The following CNTNAP4 variants were observed in gnomAD, a reference collection of about 807,000 sequenced individuals.
CNTNAP4 encodes contactin associated protein family member 4, also known as contactin-associated protein-like 4.
In CNTNAP4, 98 loss-of-function variants were observed where a neutral mutation model predicts 148.4. That is an observed-to-expected ratio of 0.66 (90% confidence interval 0.56 to 0.78). The LOEUF (loss-of-function observed/expected upper bound fraction) is 0.78. Ranked by LOEUF, CNTNAP4 falls within the 30% of genes least tolerant of loss-of-function variation. The pLI, the probability that CNTNAP4 is intolerant of heterozygous loss-of-function variation, is 0.00. For missense variants in CNTNAP4, 1,935 were observed against 1,565.6 expected (o/e 1.24, Z -3.98); for synonymous variants, 730 against 565.1 (o/e 1.29, Z -4.14).
intron 2 of CNTNAP4, among the ~76,000 whole-genome samples, chr16:76,341,022 A>C (rs1387880314): frequency 1.3e-5 from 2 of 152,134 alleles, no homozygotes; most frequent in East Asian, 3.9e-4. Flanking sequence ...TGCTCCAACT[A>C]TTTCGGACAA....
chr16:76,361,045 G>T (rs1410229416), intron 3 of CNTNAP4, among the ~76,000 whole-genome samples: 1 of 151,320 alleles, frequency 6.6e-6, no homozygotes, highest in African/African-American at 2.4e-5. Flanking sequence ...GGATGGCCTC[G>T]ATTTGCTGAC....
intron 3 of CNTNAP4, among the ~76,000 whole-genome samples, chr16:76,392,095 G>C (rs1319109965): frequency 6.6e-6 from 1 of 152,182 alleles, no homozygotes; most frequent in Admixed American, 6.5e-5. Context: ...CCGGGTTCAA[G>C]GGATTCTCCT....
intron 4 of CNTNAP4, among the ~76,000 whole-genome samples, chr16:76,441,674 T>C (rs1260889449): frequency 6.6e-6 from 1 of 152,132 alleles, no homozygotes; most frequent in Non-Finnish European, 1.5e-5. Context: ...GGCAATGACA[T>C]TGATAATTAA....
chr16:76,503,219 T>C (rs1424755688), intron 15 of CNTNAP4, among the ~76,000 whole-genome samples: 1 of 152,162 alleles, frequency 6.6e-6, no homozygotes, highest in African/African-American at 2.4e-5. Flanking sequence ...GAATGTCTGC[T>C]CTCACTACTC....
At chr16:76,305,349 C>T (rs1448781334) in intron 1 of CNTNAP4, among the ~76,000 whole-genome samples, 5 of 151,970 alleles carry the variant, frequency 3.3e-5, no homozygotes, top group South Asian at 2.1e-4. Flanking sequence ...AGAACTAGAT[C>T]GTAGATTGAT....
intron 4 of CNTNAP4, among the ~76,000 whole-genome samples, chr16:76,436,405 T>C (rs1597531386): frequency 6.6e-6 from 1 of 152,112 alleles, no homozygotes; most frequent in South Asian, 2.1e-4. Flanking sequence ...ACAGTAGACA[T>C]GGCAAGGCTG....
chr16:76,526,503 G>C (rs2083739545), intron 17 of CNTNAP4, among the ~76,000 whole-genome samples: 1 of 152,122 alleles, frequency 6.6e-6, no homozygotes, highest in Non-Finnish European at 1.5e-5. Flanking sequence ...CCCTCTGAGA[G>C]ATGATGGTGC....
At chr16:76,454,049 T>G (rs1263591530) in intron 8 of CNTNAP4, among the ~76,000 whole-genome samples, 4 of 152,078 alleles carry the variant, frequency 2.6e-5, no homozygotes, top group Non-Finnish European at 5.9e-5. Context: ...TTCAGCATCT[T>G]AAAGAAACCG....
intron 2 of CNTNAP4, among the ~76,000 whole-genome samples, chr16:76,330,884 G>A (rs182563091): frequency 2.0e-4 from 30 of 152,170 alleles, no homozygotes; most frequent in South Asian, 1.2e-3. Flanking sequence ...CATATGAACC[G>A]GGATATTTGA....
chr16:76,546,619 G>A (rs906563920), intron 21 of CNTNAP4, among the ~76,000 whole-genome samples: 2 of 152,124 alleles, frequency 1.3e-5, no homozygotes, highest in Admixed American at 6.6e-5. Context: ...ATTTCATTAT[G>A]TATTACAATG....
At position 76,494,901 on chromosome 16, in the gene CNTNAP4, T is replaced by C. The variant is rs1340429066; in HGVS notation, c.2081-9T>C. On this transcript the variant is annotated splice_polypyrimidine_tract_variant and intron_variant, in intron 13 of 23. Transcript: ENST00000611870. ...AACAGATGTCACATTTTTCACGTTT[T>C]TCTTTCAGATGGAACCCCTCTGAGT... is the stretch of plus-strand genomic sequence containing the variant. 3 of 1,610,504 alleles carry C rather than the reference T, an allele frequency of 1.9e-6. No homozygotes were observed. Among genetic ancestry groups the C allele is most frequent in the Non-Finnish European group, 2.5e-6 (3 of 1,177,970 alleles).
intron 1 of CNTNAP4, among the ~76,000 whole-genome samples, chr16:76,308,972 A>AT (rs61244707): frequency 0.023 from 3,211 of 142,644 alleles, 86 homozygotes; most frequent in African/African-American, 0.065. Flanking sequence ...TTCCAGGCTA[A>AT]TTTTTTTTTT....
chr16:76,291,953 C>G (rs1266839467), intron 1 of CNTNAP4, among the ~76,000 whole-genome samples: 2 of 152,244 alleles, frequency 1.3e-5, no homozygotes, highest in African/African-American at 4.8e-5. Flanking sequence ...GGCTAAGTAG[C>G]CTTTGGATTT....
chr16:76,427,600 G>GT lies in CNTNAP4; in HGVS notation c.538+2dup. The GT allele has an allele frequency of 1.9e-6, 3 of 1,602,754 alleles. No homozygotes were observed. The highest frequency in any genetic ancestry group is 2.6e-6 in the Non-Finnish European group (3 of 1,175,442). On this transcript the variant is annotated splice_donor_variant, in intron 4 of 23. Coordinates refer to ENST00000611870, the MANE Select transcript of CNTNAP4 (RefSeq NM_033401.5). LOFTEE classifies it high-confidence loss of function. ...ATCGAAGTGTTCGGATGTGCATACA[G>GT]TAAGTGTTTGTTTATCCAATACACT...
intron 2 of CNTNAP4, among the ~76,000 whole-genome samples, chr16:76,342,688 G>A (rs1597255938): frequency 6.6e-6 from 1 of 151,650 alleles, no homozygotes; most frequent in East Asian, 1.9e-4. Context: ...TAGCCAGGAT[G>A]GTCTAGATCT....
chr16:76,434,485 G>A (rs7205737), intron 4 of CNTNAP4, among the ~76,000 whole-genome samples: 16,354 of 152,178 alleles, frequency 0.11, 2,404 homozygotes, highest in African/African-American at 0.33. Flanking sequence ...AGCTGCAATT[G>A]CAATCACCAC....
intron 12 of CNTNAP4, among the ~76,000 whole-genome samples, chr16:76,486,385 G>A (rs948865099): frequency 6.6e-6 from 1 of 152,014 alleles, no homozygotes; most frequent in African/African-American, 2.4e-5. Context: ...AAGAAAAGAT[G>A]TATCTACACA....
At chr16:76,381,317 C>T (rs2015942188) in intron 3 of CNTNAP4, among the ~76,000 whole-genome samples, 2 of 152,136 alleles carry the variant, frequency 1.3e-5, no homozygotes, top group South Asian at 4.1e-4. Flanking sequence ...GACATTGAAC[C>T]ATCACACAGT....
intron 1 of CNTNAP4, among the ~76,000 whole-genome samples, chr16:76,305,424 C>T (rs1960379704): frequency 6.6e-6 from 1 of 151,940 alleles, no homozygotes; most frequent in Non-Finnish European, 1.5e-5. Flanking sequence ...CAATTCCTTC[C>T]TTGTGCTTTC....
Sources: gnomAD v4.1 joint callset for allele counts (sites outside exome capture counted in the v4.1 genomes callset) on GRCh38, gnomAD v4.1.1 for gene constraint, MANE v1.5 for transcripts, NCBI Gene and HGNC (gene_info 2026-07-23, HGNC 2026-07-21) for gene names.